Variants in FOXP1 observed in about 807,000 individuals in gnomAD.
FOXP1 encodes forkhead box protein P1.
FOXP1 carries 15 observed loss-of-function variants against 98.2 expected under a neutral mutation model. That is an observed-to-expected ratio of 0.15 (90% CI 0.10 to 0.24). The LOEUF is 0.24. Ranked by LOEUF, FOXP1 falls within the 10% of genes least tolerant of loss-of-function variation. FOXP1 has a pLI of 1.00. For synonymous variants in FOXP1, 371 were observed against 314.5 expected, an observed-to-expected ratio of 1.18 and a Z score of -1.90; for missense variants, 633 against 848.5, an observed-to-expected ratio of 0.75 and a Z score of 3.15.
chr3:71,068,632 A>G (rs1364017425), intron 7 of FOXP1, among the ~76,000 whole-genome samples: 1 of 152,230 alleles, frequency 6.6e-6, no homozygotes, highest in Non-Finnish European at 1.5e-5. Flanking sequence ...TCTTCTGAAC[A>G]ACACTTGTGT....
intron 5 of FOXP1, among the ~76,000 whole-genome samples, chr3:71,266,456 T>C (rs2069671994): frequency 6.6e-6 from 1 of 152,136 alleles, no homozygotes; most frequent in Non-Finnish European, 1.5e-5. Context: ...CACCATATGT[T>C]GCCCAGGCTG....
At chr3:71,080,079 C>T (rs1317910042) in intron 7 of FOXP1, among the ~76,000 whole-genome samples, 1 of 152,204 alleles carries the variant, frequency 6.6e-6, no homozygotes, top group Admixed American at 6.5e-5. Context: ...TAGTATGGAC[C>T]ATACCTCTCC....
At chr3:71,479,993 C>T (rs144060231) in intron 3 of FOXP1, among the ~76,000 whole-genome samples, 339 of 152,184 alleles carry the variant, frequency 2.2e-3, no homozygotes, top group Non-Finnish European at 3.5e-3. Context: ...GTCAGGAGTT[C>T]GACACCAGCC....
chr3:71,206,541 G>C (rs1275890793), intron 5 of FOXP1, among the ~76,000 whole-genome samples: 1 of 152,152 alleles, frequency 6.6e-6, no homozygotes. Flanking sequence ...ATAAAATAAT[G>C]TTCCTAACAA....
rs148127691 is a variant in FOXP1, at chr3:71,255,767, T to C, written c.-12+44053A>G. Among the ~76,000 whole-genome samples, 20 of 152,308 alleles carry C rather than the reference T, an allele frequency of 1.3e-4. No individual in the cohort carries two copies. In the East Asian group the frequency reaches 3.3e-3, roughly 25 times the overall value. ...ACACATATTATGTTTTATTATATATTAATTTTAAAAGGGTCTGAAACGAAA... is the reference window on the plus strand; with the variant it reads ...ACACATATTATGTTTTATTATATATCAATTTTAAAAGGGTCTGAAACGAAA... On this transcript the variant is annotated intron_variant, in intron 5 of 20. Transcript: ENST00000649528.
intron 3 of FOXP1, among the ~76,000 whole-genome samples, chr3:71,394,584 A>G (rs1456276723): frequency 6.6e-6 from 1 of 152,212 alleles, no homozygotes; most frequent in Non-Finnish European, 1.5e-5. Flanking sequence ...AGATGATCAA[A>G]TTGAAGGGTC....
At chr3:71,253,729 T>C (rs1346960798) in intron 5 of FOXP1, among the ~76,000 whole-genome samples, 1 of 152,182 alleles carries the variant, frequency 6.6e-6, no homozygotes, top group Non-Finnish European at 1.5e-5. Context: ...GGTGTTATGG[T>C]AGATACAAAG....
At chr3:71,030,520 T>C (rs2046722264) in intron 11 of FOXP1, among the ~76,000 whole-genome samples, 3 of 152,240 alleles carry the variant, frequency 2.0e-5, no homozygotes, top group Non-Finnish European at 4.4e-5. Context: ...GTTTGTTCTA[T>C]TTCCCTTCTA....
chr3:71,257,705 G>A (rs558696842), intron 5 of FOXP1, among the ~76,000 whole-genome samples: 15 of 152,164 alleles, frequency 9.9e-5, no homozygotes, highest in African/African-American at 3.6e-4. Flanking sequence ...AAGGACTCAG[G>A]ACTCTTAATC....
intron 4 of FOXP1, among the ~76,000 whole-genome samples, chr3:71,306,275 T>C (rs567137050): frequency 2.8e-4 from 42 of 152,212 alleles, no homozygotes; most frequent in Admixed American, 8.5e-4. Context: ...TTGTATTCAT[T>C]AGTAATTAAG....
At chr3:71,121,955 G>A (rs1334696502) in intron 6 of FOXP1, among the ~76,000 whole-genome samples, 1 of 151,882 alleles carries the variant, frequency 6.6e-6, no homozygotes, top group Admixed American at 6.6e-5. Flanking sequence ...ACTGTTTTTT[G>A]CAATTGCCTT....
At chr3:71,020,111 A>G (rs1421675067) in intron 11 of FOXP1, among the ~76,000 whole-genome samples, 4 of 152,212 alleles carry the variant, frequency 2.6e-5, no homozygotes, top group South Asian at 4.1e-4. Context: ...TGCATTTGAG[A>G]AAAGCCAGTT....
intron 7 of FOXP1, among the ~76,000 whole-genome samples, chr3:71,071,059 G>A (rs1412645210): frequency 6.6e-6 from 1 of 152,148 alleles, no homozygotes; most frequent in African/African-American, 2.4e-5. Flanking sequence ...CTCTGCGCTC[G>A]CTATGGCTTG....
In FOXP1 at chr3:71,175,414, C is replaced by T. The variant is rs191386443; in HGVS notation, c.180+22788G>A. On this transcript the variant is annotated intron_variant, in intron 6 of 20. Coordinates refer to ENST00000649528, the MANE Select transcript of FOXP1 (RefSeq NM_001349338.3). Reference sequence around the variant, plus strand: ...TGGAGGCTCCCTGCCTCTCCAATAGCAGCCCCAAAACTGGGAGATTTTCAA... The same window carrying T: ...TGGAGGCTCCCTGCCTCTCCAATAGTAGCCCCAAAACTGGGAGATTTTCAA... Among the ~76,000 whole-genome samples, 68 of 152,362 alleles carry T rather than the reference C, an allele frequency of 4.5e-4. 1 individual carries two copies. Among genetic ancestry groups the T allele is most frequent in the African/African-American group, 1.6e-3 (65 of 41,582 alleles).
chr3:71,269,106 T>G (rs558856691), intron 5 of FOXP1, among the ~76,000 whole-genome samples: 4 of 151,110 alleles, frequency 2.6e-5, no homozygotes, highest in South Asian at 2.1e-4. Flanking sequence ...TTGTTTTTTT[T>G]TTTTTTCATT....
chr3:71,328,052 T>C (rs904217904), intron 4 of FOXP1, among the ~76,000 whole-genome samples: 3 of 152,162 alleles, frequency 2.0e-5, no homozygotes, highest in Non-Finnish European at 4.4e-5. Context: ...TCTGAAATTG[T>C]TTTTCATTGG....
chr3:71,338,968 G>A (rs1186852787), intron 4 of FOXP1, among the ~76,000 whole-genome samples: 2 of 151,986 alleles, frequency 1.3e-5, no homozygotes, highest in Non-Finnish European at 2.9e-5. Flanking sequence ...TGGTTTAAGG[G>A]GAAAAAGAAG....
chr3:71,396,969 T>TACAC (rs1560424483), intron 3 of FOXP1, among the ~76,000 whole-genome samples: 2 of 15,886 alleles, frequency 1.3e-4, no homozygotes, highest in African/African-American at 2.6e-4. Flanking sequence ...TATATGTGTG[T>TACAC]ATATATATAT....
At chr3:70,998,073 G>T (rs1172654359) in intron 13 of FOXP1, among the ~76,000 whole-genome samples, 1 of 152,218 alleles carries the variant, frequency 6.6e-6, no homozygotes, top group Non-Finnish European at 1.5e-5. Flanking sequence ...CAGAGCTTAG[G>T]CAGCCAGAAC....
Sources: gnomAD v4.1 joint callset for allele counts (sites outside exome capture counted in the v4.1 genomes callset) on GRCh38, gnomAD v4.1.1 for gene constraint, MANE v1.5 for transcripts, NCBI Gene and HGNC (gene_info 2026-07-23, HGNC 2026-07-21) for gene names.